Variants in PCDHGA4 observed in about 807,000 individuals in gnomAD.
PCDHGA4 encodes the protein protocadherin gamma subfamily A, 4.
PCDHGA4 carries 38 observed loss-of-function variants against 54.6 expected under a neutral mutation model. That is an observed-to-expected ratio of 0.70 (90% CI 0.54 to 0.91). The LOEUF (loss-of-function observed/expected upper bound fraction) is 0.91. Ranked by LOEUF, PCDHGA4 falls within the 40% of genes least tolerant of loss-of-function variation. The pLI, the probability that PCDHGA4 is intolerant of heterozygous loss-of-function variation, is 0.00. For synonymous variants in PCDHGA4, 511 were observed against 512.9 expected, an observed-to-expected ratio of 1.00 and a Z score of 0.05; for missense variants, 1,298 against 1,220.9, an observed-to-expected ratio of 1.06 and a Z score of -0.94.
chr5:141,423,358 G>T (rs202010010), intron 1 of PCDHGA4: 1 of 1,614,196 alleles, frequency 6.2e-7, no homozygotes, highest in South Asian at 1.1e-5. Flanking sequence ...CTTTGTCATC[G>T]TGCTGCTGGC....
intron 1 of PCDHGA4, chr5:141,419,876 C>T (rs1219393740): frequency 1.4e-5 from 23 of 1,614,084 alleles, no homozygotes; most frequent in Non-Finnish European, 1.9e-5. Flanking sequence ...AGAGGTACTG[C>T]CGGATTTCAG....
chr5:141,477,175 A>T lies in PCDHGA4; in HGVS notation c.2515-17632A>T, dbSNP rs1338347224. On this transcript the variant is annotated intron_variant, in intron 1 of 3. Transcript: ENST00000571252. This position sits in a 1 kb window ranked among gnomAD's most constrained non-coding sequence, Gnocchi z 4.9. ...TGAATGACAACGCCCCGGAGATCAC[A>T]GTCACCTCCGTGTACAGCCCAGTAC... is the stretch of plus-strand genomic sequence containing the variant. The T allele has an allele frequency of 1.2e-6, 2 of 1,614,186 alleles. No individual in the cohort carries two copies. The highest frequency in any genetic ancestry group is 3.3e-5 in the Admixed American group (2 of 60,028).
Position 141,375,767 on chromosome 5 carries a change from A to T in PCDHGA4, c.2514+18146A>T, listed in dbSNP as rs190439419. ...GGACCAGAATGACAATGCGCCCGAGATCCTGTACCCCGCCCTCCCCACAGA... is the reference window on the plus strand; with the variant it reads ...GGACCAGAATGACAATGCGCCCGAGTTCCTGTACCCCGCCCTCCCCACAGA... On this transcript the variant is annotated intron_variant, in intron 1 of 3. Transcript: ENST00000571252. 3.1e-4 allele frequency: 496 copies of T among 1,614,182 alleles called. 1 individual carries two copies. The highest frequency in any genetic ancestry group is 3.8e-4 in the Non-Finnish European group (444 of 1,180,008).
At chr5:141,399,728 G>A in intron 1 of PCDHGA4, 1 of 1,613,276 alleles carries the variant, frequency 6.2e-7, no homozygotes, top group East Asian at 2.2e-5. Flanking sequence ...CGCGACCAGG[G>A]CTCGCCTGCG....
At chr5:141,379,275 A>C (rs1248743398) in intron 1 of PCDHGA4, 3 of 152,194 alleles carry the variant, frequency 2.0e-5, no homozygotes, top group African/African-American at 7.2e-5. Flanking sequence ...TTATAGATTT[A>C]TTTATTTCAA....
chr5:141,423,116 C>T (rs374000303), intron 1 of PCDHGA4: 210 of 1,613,682 alleles, frequency 1.3e-4, no homozygotes, highest in Middle Eastern at 4.9e-4. Context: ...GTGCGTACAG[C>T]GCGGGCACTG....
chr5:141,411,193 AAAAC>A (rs1267742802), intron 1 of PCDHGA4: 2 of 152,212 alleles, frequency 1.3e-5, no homozygotes, highest in African/African-American at 4.8e-5. Flanking sequence ...GGCATCTAAG[AAAAC>A]AAACAAGTAA....
intron 1 of PCDHGA4, chr5:141,471,515 T>C (rs931181988): frequency 2.6e-5 from 4 of 152,276 alleles, no homozygotes; most frequent in African/African-American, 9.6e-5. Context: ...GGAGTAAAAA[T>C]AACAGCGAGG....
At chr5:141,465,983 A>G (rs1219092160) in intron 1 of PCDHGA4, among the ~76,000 whole-genome samples, 1 of 151,944 alleles carries the variant, frequency 6.6e-6, no homozygotes, top group East Asian at 1.9e-4. Context: ...TTAGCCGGGC[A>G]TGGTGGCAGG....
At position 141,375,364 on chromosome 5, in the gene PCDHGA4, A is replaced by C. The variant is rs771379372; in HGVS notation, c.2514+17743A>C. ...ACATCACTGTGACAGCCACGGACAAAGGAACACCACCTCTGTCTACAGAAA... is the reference window on the plus strand; with the variant it reads ...ACATCACTGTGACAGCCACGGACAACGGAACACCACCTCTGTCTACAGAAA... On this transcript the variant is annotated intron_variant, in intron 1 of 3. Coordinates refer to ENST00000571252, the MANE Select transcript of PCDHGA4 (RefSeq NM_018917.4). 6.2e-7 allele frequency: 1 copy of C among 1,613,904 alleles called. No homozygotes were observed. Among genetic ancestry groups the C allele is most frequent in the Non-Finnish European group, 8.5e-7 (1 of 1,179,968 alleles).
At chr5:141,421,579 T>A (rs753573473) in intron 1 of PCDHGA4, 1 of 1,613,934 alleles carries the variant, frequency 6.2e-7, no homozygotes, top group Non-Finnish European at 8.5e-7. Flanking sequence ...CTTGAAGATT[T>A]ACGGAGTGGA....
At chr5:141,458,058 C>T (rs997664641) in intron 1 of PCDHGA4, among the ~76,000 whole-genome samples, 3 of 152,196 alleles carry the variant, frequency 2.0e-5, no homozygotes, top group Non-Finnish European at 4.4e-5. Context: ...TCTTGCTGCA[C>T]TGATGCGAAC....
rs1247382831 is a variant in PCDHGA4 at position 141,388,673 on chromosome 5, G to A, written c.2514+31052G>A. On this transcript the variant is annotated intron_variant, in intron 1 of 3. Transcript: ENST00000571252. ...TGTACCCGGGGACCACGGTGCTACA[G>A]GTGACTGCCACGGACCAGGATGAGG... The A allele has an allele frequency of 2.5e-6, 4 of 1,613,942 alleles. No homozygotes were observed. In the South Asian group the frequency reaches 3.3e-5, roughly 13 times the overall value.
rs780685929 is a variant in PCDHGA4 at position 141,389,589 on chromosome 5, G to A, written c.2514+31968G>A. 10 of 1,613,050 alleles carry A rather than the reference G, an allele frequency of 6.2e-6. No individual in the cohort carries two copies. In the Middle Eastern group the frequency reaches 5.0e-4, roughly 81 times the overall value. On this transcript the variant is annotated intron_variant, in intron 1 of 3. Coordinates refer to ENST00000571252, the MANE Select transcript of PCDHGA4 (RefSeq NM_018917.4). ...GCTGTACCCCGCGCTGGGTCCCGAC[G>A]GCTCTGCGCTCTTCGATATGGTGCC...
rs772444495 is a variant in PCDHGA4 at position 141,491,766 on chromosome 5, T to C, written c.2515-3041T>C. 14 of 1,567,738 alleles carry C rather than the reference T, an allele frequency of 8.9e-6. No homozygotes were observed. The African/African-American group carries it at 1.6e-4, about 18-fold the overall frequency. ...GCACTGGAGAAGCCGCCCGTCCTCA[T>C]AAGGGATTGAACTTGCATCCACTCC... On this transcript the variant is annotated intron_variant, in intron 1 of 3. Coordinates refer to ENST00000571252, the MANE Select transcript of PCDHGA4 (RefSeq NM_018917.4). The surrounding 1 kb of genome is among the most constrained non-coding windows in gnomAD (Gnocchi z 6.9).
At position 141,355,397 on chromosome 5, in the gene PCDHGA4, T is replaced by A; in HGVS notation, c.290T>A (p.Ile97Asn). The A allele has an allele frequency of 1.2e-6, 2 of 1,614,048 alleles. No homozygotes were observed. The highest frequency in any genetic ancestry group is 1.3e-5 in the African/African-American group (1 of 75,060). The part of the protein sequence containing the change: ...PRELAERGVR[I>N]VSRGRTQLFA... ...GAGCTGGCGGAGCGCGGAGTCCGCA[T>A]CGTCTCCAGAGGTAGGACGCAGCTT... The change falls in exon 1 of 4, where the codon ATC (isoleucine) becomes AAC (asparagine). Residue 97 changes from isoleucine (I) to asparagine (N), a missense_variant. Physicochemically the swap from Ile to Asn is moderately radical, Grantham distance 149. Coordinates refer to ENST00000571252, the MANE Select transcript of PCDHGA4 (RefSeq NM_018917.4).
chr5:141,510,229 C>T (rs904367594), intron 3 of PCDHGA4, among the ~76,000 whole-genome samples: 3 of 150,486 alleles, frequency 2.0e-5, no homozygotes, highest in African/African-American at 7.4e-5. Context: ...GCCGGGATCG[C>T]GCCACTGCAC....
intron 1 of PCDHGA4, chr5:141,408,141 C>G: frequency 1.3e-6 from 2 of 1,492,116 alleles, no homozygotes; most frequent in Non-Finnish European, 1.8e-6. Context: ...GCTCTTTTAG[C>G]GCGGTAGAGT....
Position 141,494,880 on chromosome 5 carries a change from C to T in PCDHGA4, c.2573+15C>T. On this transcript the variant is annotated intron_variant, in intron 2 of 3. Transcript: ENST00000571252. ...GGCACCAGCGGGTAGGTGACTGATT[C>T]TCCAGCCCACCCTCTTCTCTGCGGC... 3 of 1,614,158 alleles carry T rather than the reference C, an allele frequency of 1.9e-6. No homozygotes were observed. Among genetic ancestry groups the T allele is most frequent in the Non-Finnish European group, 1.7e-6 (2 of 1,180,012 alleles).
Sources: allele counts gnomAD v4.1 joint callset (sites outside exome capture counted in the v4.1 genomes callset), GRCh38; gene constraint gnomAD v4.1.1; non-coding constraint Gnocchi (gnomAD v3.1); transcripts MANE v1.5; gene names NCBI Gene and HGNC (gene_info 2026-07-23, HGNC 2026-07-21).